PSCA: variants seen among roughly 807,000 people sequenced by gnomAD.
PSCA encodes the protein prostate stem cell antigen.
PSCA carries 7 observed loss-of-function variants against 7.9 expected under a neutral mutation model. The ratio of observed to expected loss-of-function variants is 0.89; its 90% confidence interval spans 0.51 to 1.67. The LOEUF (loss-of-function observed/expected upper bound fraction) is 1.67, where lower values mean the gene tolerates loss of function less well. Ranked by LOEUF, PSCA falls within the 40% of genes most tolerant of loss-of-function variation. The probability of loss-of-function intolerance (pLI) is 0.00; values close to 1 mark genes in which losing one functional copy is unlikely to be tolerated. For synonymous variants in PSCA, 61 were observed against 68.3 expected (o/e 0.89, Z 0.53); for missense variants, 151 against 147.9 (o/e 1.02, Z -0.11).
At chr8:142,680,831 TA>T (rs1554638243) in intron 1 of PSCA, 1 of 574,920 alleles carries the variant, frequency 1.7e-6, no homozygotes. Flanking sequence ...GCCTGGCTCC[TA>T]GGGGGCAGGT....
chr8:142,682,000 CAAG>C lies in PSCA; in HGVS notation c.219_221del (p.Lys73del). ...ATGACTCACAGGACTACTACGTGGG[CAAG>C]AAGAACATCACGTGCTGTGACACCG... is the stretch of plus-strand genomic sequence containing the variant. On this transcript the variant is annotated inframe_deletion, in exon 3 of 3. Transcript: ENST00000301258. 2 of 1,612,506 alleles carry C rather than the reference CAAG, an allele frequency of 1.2e-6. No individual in the cohort carries two copies. Among genetic ancestry groups the C allele is most frequent in the Non-Finnish European group, 1.7e-6 (2 of 1,179,458 alleles).
upstream of PSCA, chr8:142,680,453 C>A: frequency 6.7e-7 from 1 of 1,493,476 alleles, no homozygotes; most frequent in Non-Finnish European, 9.1e-7. Context: ...CCAGCCTCTC[C>A]CCATTTGAGG....
upstream of PSCA, among the ~76,000 whole-genome samples, chr8:142,677,246 C>T (rs781970315): frequency 1.3e-5 from 2 of 152,212 alleles, no homozygotes; most frequent in Non-Finnish European, 2.9e-5. Flanking sequence ...GTATAGGAGC[C>T]ATGACCACGG....
chr8:142,681,336 T>C lies in PSCA; in HGVS notation c.35T>C (p.Leu12Pro), dbSNP rs587657533. Residue 12 changes from leucine to proline, a missense_variant, in exon 2 of 3, where the codon CTG (leucine) becomes CCG (proline). Transcript: ENST00000301258. ...CCACTCCACCCCACAGGCACTGCCC[T>C]GCTGTGCTACTCCTGCAAAGCCCAG... ...AGLALQPGTA[L>P]LCYSCKAQVS... is the part of the protein sequence containing the mutation. The C allele has an allele frequency of 5.8e-6, 9 of 1,562,272 alleles. No individual in the cohort carries two copies. In the Admixed American group the frequency reaches 1.5e-4, roughly 26 times the overall value.
At position 142,673,833 on chromosome 8, in the gene PSCA, A is replaced by C. The variant is rs1847363919; in HGVS notation, n.261+3265A>C. Among the ~76,000 whole-genome samples the C allele has an allele frequency of 6.6e-6, 1 of 152,246 alleles. No homozygotes were observed. The highest frequency in any genetic ancestry group is 2.1e-4 in the South Asian group (1 of 4,834). On this transcript the variant is annotated intron_variant and non_coding_transcript_variant, in intron 1 of 1. Coordinates refer to the PSCA transcript ENST00000505305. This position sits in a 1 kb window ranked among gnomAD's most constrained non-coding sequence, Gnocchi z 4.6. ...GACATCTCACAAGGCCAATCTTAGG[A>C]TCACAATAGTGATGTTACTTGCAGG...
At chr8:142,671,885 G>A (rs181953245) in intron 1 of PSCA, among the ~76,000 whole-genome samples, 21 of 152,134 alleles carry the variant, frequency 1.4e-4, no homozygotes, top group African/African-American at 4.6e-4. Flanking sequence ...CCACCCTCTG[G>A]TTCTTCTCTT....
chr8:142,680,333 A>G (rs1847446893), upstream of PSCA: 2 of 608,774 alleles, frequency 3.3e-6, no homozygotes, highest in Non-Finnish European at 5.9e-6. Flanking sequence ...GGTGGAAAGA[A>G]GGACAAAGGG....
chr8:142,679,745 C>A (rs1300498579), upstream of PSCA, among the ~76,000 whole-genome samples: 1 of 152,156 alleles, frequency 6.6e-6, no homozygotes, highest in African/African-American at 2.4e-5. Context: ...GAGACCAAGG[C>A]TTTATCATCA....
chr8:142,681,610 G>T (rs1396383248), intron 2 of PSCA, 176 bp downstream of exon 2: 3 of 648,680 alleles, frequency 4.6e-6, no homozygotes, highest in African/African-American at 3.6e-5. Context: ...TCCTCCATCT[G>T]CCACTCCTCC....
At chr8:142,680,976 G>A in intron 1 of PSCA, 1 of 448,876 alleles carries the variant, frequency 2.2e-6, no homozygotes, top group Non-Finnish European at 4.1e-6. Flanking sequence ...GGACCCGGGG[G>A]TCTACATCCG....
At position 142,681,438 on chromosome 8, in the gene PSCA, A is replaced by G; in HGVS notation, c.133+4A>G. 6.3e-7 allele frequency: 1 copy of G among 1,583,510 alleles called. No homozygotes were observed. Among genetic ancestry groups the G allele is most frequent in the East Asian group, 2.3e-5 (1 of 43,248 alleles). Reference sequence around the variant, plus strand: ...CAGTGCTGGACCGCGCGCATCCGTGAGTGGGGGGACGACAGCCGCCAGGCC... The same window carrying G: ...CAGTGCTGGACCGCGCGCATCCGTGGGTGGGGGGACGACAGCCGCCAGGCC... On this transcript the variant is annotated splice_donor_region_variant and intron_variant, in intron 2 of 2. Transcript: ENST00000301258.
intron 1 of PSCA, among the ~76,000 whole-genome samples, chr8:142,672,908 A>G (rs1185561127): frequency 6.6e-6 from 1 of 152,092 alleles, no homozygotes; most frequent in Non-Finnish European, 1.5e-5. Flanking sequence ...TGGTCGCCCC[A>G]CCCTAATCTT....
upstream of PSCA, among the ~76,000 whole-genome samples, chr8:142,679,636 G>A (rs1847439091): frequency 6.6e-6 from 1 of 152,184 alleles, no homozygotes; most frequent in Non-Finnish European, 1.5e-5. Flanking sequence ...GCTGGAACTG[G>A]GGGCTTCCAG....
chr8:142,681,105 A>G, intron 1 of PSCA: 2 of 540,232 alleles, frequency 3.7e-6, no homozygotes, highest in South Asian at 4.4e-5. Flanking sequence ...TCCTCTTCTG[A>G]AACACACGGT....
upstream of PSCA, chr8:142,679,950 G>C (rs1436486884): frequency 6.6e-6 from 1 of 152,570 alleles, no homozygotes; most frequent in Non-Finnish European, 1.5e-5. Flanking sequence ...CTTGCCAAGA[G>C]GAGGGTTCCA....
At chr8:142,677,142 A>T (rs1847408877), upstream of PSCA, among the ~76,000 whole-genome samples, 1 of 152,134 alleles carries the variant, frequency 6.6e-6, no homozygotes, top group Non-Finnish European at 1.5e-5. Flanking sequence ...TAGAGTTCAG[A>T]CTGACCACAG....
At position 142,682,179 on chromosome 8, in the gene PSCA, G is replaced by C. The variant is rs587755919; in HGVS notation, c.*47G>C. 2.6e-5 allele frequency: 40 copies of C among 1,553,286 alleles called. No homozygotes were observed. In the Admixed American group the frequency reaches 7.1e-4, roughly 28 times the overall value. On this transcript the variant is annotated 3_prime_UTR_variant, in exon 3 of 3. Transcript: ENST00000301258. ...GCCCACACTGGGTGTGGTGCCCCAG[G>C]CCTCTGTGCCACTCCTCACACACCC...
intron 2 of PSCA, chr8:142,681,694 T>C (rs2129875371): frequency 1.7e-6 from 1 of 604,654 alleles, no homozygotes; most frequent in Non-Finnish European, 3.0e-6. Flanking sequence ...TGAGCTCACT[T>C]ACTCACTCAC....
chr8:142,671,292 A>G (rs1486267587), intron 1 of PSCA, among the ~76,000 whole-genome samples: 2 of 152,158 alleles, frequency 1.3e-5, no homozygotes, highest in Non-Finnish European at 2.9e-5. Flanking sequence ...ATGTGCTTTG[A>G]AGATGGAGGA....
Sources: gnomAD v4.1 joint callset for allele counts (sites outside exome capture counted in the v4.1 genomes callset) on GRCh38, gnomAD v4.1.1 for gene constraint, Gnocchi (gnomAD v3.1) non-coding constraint, MANE v1.5 for transcripts, NCBI Gene and HGNC (gene_info 2026-07-23, HGNC 2026-07-21) for gene names.